The following ECPAS variants were observed in gnomAD, a reference collection of about 807,000 sequenced individuals.
ECPAS encodes proteasome adapter and scaffold protein ECM29.
Under a neutral mutation model 255.1 loss-of-function variants are expected in ECPAS, and 70 were observed. The ratio of observed to expected loss-of-function variants is 0.27; its 90% CI spans 0.23 to 0.33. The LOEUF (loss-of-function observed/expected upper bound fraction) is 0.33, where lower values mean the gene tolerates loss of function less well. Among genes scored for constraint, ECPAS ranks in the 10% least tolerant of loss-of-function variants. The pLI is 1.00. For missense variants in ECPAS, 1,817 were observed against 2,206.4 expected (o/e 0.82, Z 3.54); for synonymous variants, 784 against 775.0 (o/e 1.01, Z -0.19).
At chr9:111,389,820 C>G (rs1431664726) in intron 30 of ECPAS, 97 bp from the exon 31 acceptor site, 2 of 1,306,954 alleles carry the variant, frequency 1.5e-6, no homozygotes, top group Non-Finnish European at 2.1e-6. Context: ...TAAATACAGC[C>G]TGATTTATTG....
Position 111,414,510 on chromosome 9 carries a change from AGGGTGCCATC to A in ECPAS, c.1896_1905del (p.Gln632HisfsTer24). On this transcript the variant is annotated frameshift_variant, in exon 19 of 50. Coordinates refer to ENST00000684092, the MANE Select transcript of ECPAS (RefSeq NM_001364929.1). LOFTEE classifies it high-confidence loss of function. ...GTCTCCCCACTCTTGTTAGATGATG[AGGGTGCCATC>A]TGCCCGCTTGACATTAAAGTCCGTA... 6.2e-7 allele frequency: 1 copy of A among 1,614,002 alleles called. No individual in the cohort carries two copies. The highest frequency in any genetic ancestry group is 8.5e-7 in the Non-Finnish European group (1 of 1,179,884).
At position 111,406,158 on chromosome 9, in the gene ECPAS, GT is replaced by G. The variant is rs1197378994; in HGVS notation, c.2652+2412del. Among the ~76,000 whole-genome samples, 17 of 149,616 alleles carry G rather than the reference GT, an allele frequency of 1.1e-4. 1 individual carries two copies. Among genetic ancestry groups the G allele is most frequent in the African/African-American group, 4.3e-4 (17 of 39,402 alleles). The stretch of plus-strand genomic sequence containing the variant: ...CAGATGAATGGATTTTTTAAAAGTG[GT>G]ATATATACACAATGGAATATTATTC... On this transcript the variant is annotated intron_variant, in intron 24 of 49. Transcript: ENST00000684092.
At chr9:111,428,955 G>A (rs2098225786) in intron 9 of ECPAS, among the ~76,000 whole-genome samples, 1 of 151,940 alleles carries the variant, frequency 6.6e-6, no homozygotes, top group Non-Finnish European at 1.5e-5. Flanking sequence ...TTTTCACAAA[G>A]CCTGTGCTCA....
rs375684429 is a variant in ECPAS, at chr9:111,369,289, A to G, written c.4975-116T>C. 170 of 673,712 alleles carry G rather than the reference A, an allele frequency of 2.5e-4. 2 individuals are homozygous for G. The South Asian group carries it at 7.7e-3, about 30-fold the overall frequency. The allele number at this position is 673,712 out of a possible 1,614,324, so 41.7% of individuals were successfully genotyped here. On this transcript the variant is annotated intron_variant, in intron 45 of 49. Transcript: ENST00000684092. ...GGAGATATTAACCAAGAGTTAAATG[A>G]TAAATTCTCTACCATAAGTTTCCCT... is the stretch of plus-strand genomic sequence containing the variant.
chr9:111,464,842 A>C (rs567196888), intron 2 of ECPAS, among the ~76,000 whole-genome samples: 1 of 152,272 alleles, frequency 6.6e-6, no homozygotes, highest in Non-Finnish European at 1.5e-5. Context: ...TATGATAAGG[A>C]GTAACACAGG....
At chr9:111,455,492 AAAG>A (rs2098265755) in intron 2 of ECPAS, among the ~76,000 whole-genome samples, 2 of 152,092 alleles carry the variant, frequency 1.3e-5, no homozygotes, top group African/African-American at 2.4e-5. Flanking sequence ...TCAGAAAAAG[AAAG>A]AAAGAAAGAA....
chr9:111,431,853 A>G (rs1372427922), intron 8 of ECPAS, among the ~76,000 whole-genome samples: 2 of 152,220 alleles, frequency 1.3e-5, no homozygotes, highest in Non-Finnish European at 2.9e-5. Flanking sequence ...GAGGCATTCT[A>G]CAATTCTGTT....
intron 7 of ECPAS, among the ~76,000 whole-genome samples, chr9:111,434,585 CTTTTTTTTT>C (rs34507397): frequency 2.7e-5 from 3 of 109,266 alleles, no homozygotes; most frequent in Non-Finnish European, 3.7e-5. Context: ...TTCCAGTTAA[CTTTTTTTTT>C]TTTTTTTTTT....
At chr9:111,483,468 C>G (rs1007460171) in intron 1 of ECPAS, 3 of 973,980 alleles carry the variant, frequency 3.1e-6, no homozygotes, top group Admixed American at 6.3e-5. Flanking sequence ...GGCGCCCGTT[C>G]CGGCTCGCGG....
In ECPAS at chr9:111,407,403, GAAAAAAAAAAAAAAAAAAAAA is replaced by G. The variant is rs1161790026; in HGVS notation, c.2652+1147_2652+1167del. ...GGAGACAGAGCAAAACTCCATCTCA[GAAAAAAAAAAAAAAAAAAAAA>G]AAAAAAAAAAAAAACCTAGAAGAAA... On this transcript the variant is annotated intron_variant, in intron 24 of 49. Coordinates refer to ENST00000684092, the MANE Select transcript of ECPAS (RefSeq NM_001364929.1). 1.7e-4 allele frequency among the ~76,000 whole-genome samples: 2 copies of G among 12,058 alleles called. 1 individual carries two copies. The highest frequency in any genetic ancestry group is 3.3e-4 in the Non-Finnish European group (2 of 6,132). The allele number at this position is 12,058 out of a possible 152,430, so 7.9% of individuals were successfully genotyped here.
rs1167627033 is a variant in ECPAS, at chr9:111,454,894, G to GA, written c.23-3340dup. Reference sequence around the variant, plus strand: ...GATTTTTTTATTTTTTGTAGAGACAGAGGTCTCTGGTCTTGAATTCCTGGT... The same window carrying GA: ...GATTTTTTTATTTTTTGTAGAGACAGAAGGTCTCTGGTCTTGAATTCCTGGT... On this transcript the variant is annotated intron_variant, in intron 2 of 49. Coordinates refer to ENST00000684092, the MANE Select transcript of ECPAS (RefSeq NM_001364929.1). 2.6e-5 allele frequency among the ~76,000 whole-genome samples: 4 copies of GA among 152,064 alleles called. No homozygotes were observed. In the East Asian group the frequency reaches 7.8e-4, roughly 29 times the overall value.
At chr9:111,446,227 G>C (rs1262237595) in intron 3 of ECPAS, among the ~76,000 whole-genome samples, 1 of 152,168 alleles carries the variant, frequency 6.6e-6, no homozygotes, top group Non-Finnish European at 1.5e-5. Flanking sequence ...GAGCAAAATA[G>C]GAATTGACAA....
At chr9:111,444,042 A>AT (rs2098249602) in intron 4 of ECPAS, among the ~76,000 whole-genome samples, 4 of 152,192 alleles carry the variant, frequency 2.6e-5, no homozygotes, top group South Asian at 4.1e-4. Context: ...CCCAAGCCGT[A>AT]TAACATTTCC....
intron 21 of ECPAS, among the ~76,000 whole-genome samples, chr9:111,411,431 C>G (rs143464597): frequency 1.3e-5 from 2 of 152,310 alleles, no homozygotes; most frequent in African/African-American, 4.8e-5. Context: ...TTCCTACATG[C>G]TCCTACATGC....
At chr9:111,374,956 C>T (rs2098131687) in intron 38 of ECPAS, among the ~76,000 whole-genome samples, 157 bp downstream of exon 38, 1 of 152,176 alleles carries the variant, frequency 6.6e-6, no homozygotes, top group Non-Finnish European at 1.5e-5. Context: ...GAACCAGTTA[C>T]ATGTTTTCAG....
intron 16 of ECPAS, among the ~76,000 whole-genome samples, chr9:111,418,900 C>T (rs1171869741): frequency 2.0e-5 from 3 of 152,124 alleles, no homozygotes; most frequent in African/African-American, 4.8e-5. Context: ...GCACCAGAAT[C>T]AACATTAACA....
chr9:111,462,279 C>A (rs750837512), intron 2 of ECPAS, among the ~76,000 whole-genome samples: 1 of 152,038 alleles, frequency 6.6e-6, no homozygotes, highest in African/African-American at 2.4e-5. Flanking sequence ...AACTGTGGAG[C>A]TGGAAATAAC....
chr9:111,422,331 G>C, intron 13 of ECPAS, 131 bp from the exon 14 acceptor site: 4 of 858,602 alleles, frequency 4.7e-6, no homozygotes, highest in Middle Eastern at 6.8e-4. Context: ...CGCTCTGAGA[G>C]CCAAAAATTT....
intron 34 of ECPAS, 93 bp from the exon 35 acceptor site, chr9:111,383,425 A>G (rs1213935796): frequency 1.3e-4 from 193 of 1,431,322 alleles, no homozygotes; most frequent in Non-Finnish European, 1.8e-4. Context: ...ACATATCTAC[A>G]GGGAAGAATA....
Sources: gnomAD v4.1 joint callset for allele counts (sites outside exome capture counted in the v4.1 genomes callset) on GRCh38, gnomAD v4.1.1 for gene constraint, MANE v1.5 for transcripts, NCBI Gene and HGNC (gene_info 2026-07-23, HGNC 2026-07-21) for gene names.